ARPP21: variants seen among roughly 807,000 people sequenced by gnomAD.
ARPP21 encodes cAMP-regulated phosphoprotein 21.
A neutral mutation model predicts 113.2 loss-of-function variants in ARPP21; 69 were observed. The ratio of observed to expected loss-of-function variants is 0.61; its 90% confidence interval spans 0.50 to 0.74. ARPP21 has a LOEUF of 0.74. Among genes scored for constraint, ARPP21 ranks in the 30% least tolerant of loss-of-function variants. The probability of loss-of-function intolerance (pLI) is 0.00; values close to 1 mark genes in which losing one functional copy is unlikely to be tolerated. For synonymous variants in ARPP21, 368 were observed against 375.5 expected, an observed-to-expected ratio of 0.98 and a Z score of 0.23; for missense variants, 1,070 against 1,037.4, an observed-to-expected ratio of 1.03 and a Z score of -0.43.
chr3:35,714,916 C>T (rs1359177229), intron 11 of ARPP21: 2 of 151,922 alleles, frequency 1.3e-5, no homozygotes, highest in Admixed American at 6.6e-5. Flanking sequence ...TAATTGATGG[C>T]ATTTCTTCTA....
chr3:35,780,119 C>T (rs2096487583), intron 19 of ARPP21, among the ~76,000 whole-genome samples: 1 of 152,132 alleles, frequency 6.6e-6, no homozygotes, highest in African/African-American at 2.4e-5. Flanking sequence ...TCATCATTTT[C>T]TTCAAGTTTT....
At chr3:35,701,161 G>A (rs936320285) in intron 9 of ARPP21, among the ~76,000 whole-genome samples, 39 of 151,162 alleles carry the variant, frequency 2.6e-4, no homozygotes, top group African/African-American at 7.3e-4. Context: ...TTTACATAGG[G>A]GCCAAACAAT....
chr3:35,748,512 G>A (rs1429542121), intron 19 of ARPP21, among the ~76,000 whole-genome samples: 3 of 151,572 alleles, frequency 2.0e-5, no homozygotes, highest in South Asian at 2.1e-4. Context: ...AGGAAGGAAG[G>A]AAAGAAAGAG....
chr3:35,648,329 A>G (rs1701050264), intron 1 of ARPP21, among the ~76,000 whole-genome samples: 1 of 152,224 alleles, frequency 6.6e-6, no homozygotes, highest in South Asian at 2.1e-4. Context: ...AATGGGGTGA[A>G]TAAATAACCA....
chr3:35,645,515 G>A (rs1385678059), intron 1 of ARPP21, among the ~76,000 whole-genome samples: 1 of 151,638 alleles, frequency 6.6e-6, no homozygotes, highest in Non-Finnish European at 1.5e-5. Flanking sequence ...TTTTTCTGCA[G>A]CTTTTTCATT....
chr3:35,706,054 C>T (rs538931756), intron 9 of ARPP21, among the ~76,000 whole-genome samples: 41 of 152,228 alleles, frequency 2.7e-4, no homozygotes, highest in Non-Finnish European at 4.9e-4. Flanking sequence ...GCATAATGAA[C>T]GCTGTAGGGA....
chr3:35,717,199 G>C, intron 12 of ARPP21, 99 bp from the exon 13 acceptor site: 1 of 662,664 alleles, frequency 1.5e-6, no homozygotes, highest in Non-Finnish European at 2.7e-6. Context: ...ACTTTGTATG[G>C]GATTGATTTG....
intron 1 of ARPP21, among the ~76,000 whole-genome samples, chr3:35,677,741 A>G (rs768931216): frequency 3.9e-5 from 6 of 152,014 alleles, no homozygotes; most frequent in Non-Finnish European, 7.4e-5. Context: ...AAGAAAAGAT[A>G]TTTGTTGAAA....
chr3:35,729,193 T>C, intron 14 of ARPP21, 110 bp from the exon 15 acceptor site: 1 of 702,376 alleles, frequency 1.4e-6, no homozygotes, highest in Non-Finnish European at 2.5e-6. Flanking sequence ...ACAGCATGCG[T>C]CTCAAATTCT....
chr3:35,672,335 C>T (rs2076535188), intron 1 of ARPP21, among the ~76,000 whole-genome samples: 1 of 152,052 alleles, frequency 6.6e-6, no homozygotes, highest in Non-Finnish European at 1.5e-5. Flanking sequence ...CAGAGCTTAA[C>T]AAGACCAAAA....
chr3:35,654,355 C>T (rs993957643), intron 1 of ARPP21, among the ~76,000 whole-genome samples: 1 of 151,936 alleles, frequency 6.6e-6, no homozygotes, highest in African/African-American at 2.4e-5. Context: ...CAAATACGTG[C>T]TCTAAGATAT....
intron 1 of ARPP21, among the ~76,000 whole-genome samples, chr3:35,645,156 A>T (rs552232542): frequency 6.6e-6 from 1 of 151,988 alleles, no homozygotes; most frequent in African/African-American, 2.4e-5. Context: ...TTTTATCCAG[A>T]TAAAGAGGGC....
chr3:35,734,360 A>T (rs2094200745), intron 15 of ARPP21, among the ~76,000 whole-genome samples: 1 of 152,204 alleles, frequency 6.6e-6, no homozygotes, highest in Non-Finnish European at 1.5e-5. Context: ...TGCAGTTTTG[A>T]AGCTAGAAGA....
At chr3:35,714,603 G>A (rs1366587182) in intron 11 of ARPP21, among the ~76,000 whole-genome samples, 1 of 152,046 alleles carries the variant, frequency 6.6e-6, no homozygotes, top group African/African-American at 2.4e-5. Flanking sequence ...TCTAAATACA[G>A]TCACCCTATT....
chr3:35,713,551 G>A (rs1288009700), intron 11 of ARPP21, among the ~76,000 whole-genome samples: 1 of 151,962 alleles, frequency 6.6e-6, no homozygotes, highest in Non-Finnish European at 1.5e-5. Flanking sequence ...GCACCACCAT[G>A]CCCCGCTAAT....
In ARPP21 at chr3:35,793,934, T is replaced by C. The variant is rs1433544137; in HGVS notation, c.2520T>C (p.Asn840=). ...GAACAAACTGTGCAAGTATGAGCAATGCTGGTTGGCAGGTCAAATTCTGAG... is the reference window on the plus strand; with the variant it reads ...GAACAAACTGTGCAAGTATGAGCAACGCTGGTTGGCAGGTCAAATTCTGAG... The part of the protein sequence containing the change: ...SCRTNCASMS[N]AGWQVKF The change falls in exon 21 of 21, where the codon AAT becomes AAC. Residue 840 remains asparagine (N), a synonymous_variant. Transcript: ENST00000684406. 6.2e-7 allele frequency: 1 copy of C among 1,613,944 alleles called. No homozygotes were observed. The highest frequency in any genetic ancestry group is 8.5e-7 in the Non-Finnish European group (1 of 1,179,970).
Position 35,705,762 on chromosome 3 carries a change from C to A in ARPP21, c.687-1212C>A, listed in dbSNP as rs902717905. 4.6e-5 allele frequency among the ~76,000 whole-genome samples: 7 copies of A among 152,088 alleles called. No individual in the cohort carries two copies. The East Asian group carries it at 5.8e-4, about 13-fold the overall frequency. On this transcript the variant is annotated intron_variant, in intron 9 of 20. Transcript: ENST00000684406. ...GTAAGGATCGAATAAGATATTGACA[C>A]CATGTTCCAAAAATTATACTCAGTT...
chr3:35,775,840 A>G (rs893913302), intron 19 of ARPP21, among the ~76,000 whole-genome samples: 1 of 152,148 alleles, frequency 6.6e-6, no homozygotes, highest in Non-Finnish European at 1.5e-5. Context: ...TTTTCTGTGG[A>G]TAAGTGCTTG....
At chr3:35,715,536 G>A (rs947942630) in intron 12 of ARPP21, 60 bp downstream of exon 12, 1 of 1,372,386 alleles carries the variant, frequency 7.3e-7, no homozygotes, top group South Asian at 1.2e-5. Context: ...TGTGTGTCTT[G>A]TGTATTCATA....
Sources: gnomAD v4.1 joint callset for allele counts (sites outside exome capture counted in the v4.1 genomes callset) on GRCh38, gnomAD v4.1.1 for gene constraint, MANE v1.5 for transcripts, NCBI Gene and HGNC (gene_info 2026-07-23, HGNC 2026-07-21) for gene names.